HSP90AA1: variants seen among roughly 807,000 people sequenced by gnomAD.
The protein encoded by HSP90AA1 is heat shock protein 90 alpha family class A member 1, also known as heat shock protein HSP 90-alpha.
Under a neutral mutation model 73.3 loss-of-function variants are expected in HSP90AA1, and 18 were observed. The observed-to-expected ratio is 0.25, with a 90% CI of 0.17 to 0.36. The LOEUF is 0.36. Ranked by LOEUF, HSP90AA1 falls within the 10% of genes least tolerant of loss-of-function variation. The pLI, the probability that HSP90AA1 is intolerant of heterozygous loss-of-function variation, is 1.00. For synonymous variants in HSP90AA1, 477 were observed against 296.9 expected, an observed-to-expected ratio of 1.61 and a Z score of -6.24; for missense variants, 704 against 874.2, an observed-to-expected ratio of 0.81 and a Z score of 2.45.
At chr14:102,096,111 C>T (rs554800239) in intron 2 of HSP90AA1, among the ~76,000 whole-genome samples, 17 of 152,330 alleles carry the variant, frequency 1.1e-4, no homozygotes, top group Middle Eastern at 3.4e-3. Context: ...TCCAGCCCTG[C>T]CCACAACCCA....
upstream of HSP90AA1, among the ~76,000 whole-genome samples, chr14:102,090,060 G>A (rs967373419): frequency 6.6e-6 from 1 of 152,102 alleles, no homozygotes; most frequent in Non-Finnish European, 1.5e-5. Context: ...AGCTCTTTAG[G>A]CCTGTGAGGC....
At position 102,086,205 on chromosome 14, in the gene HSP90AA1, T is replaced by C. The variant is rs370332082; in HGVS notation, c.162+12A>G. ...AAACCAAAATCCGATTCTGGGTTAA[T>C]AAGTGACTTACATCTGATGAATTTG... On this transcript the variant is annotated intron_variant, in intron 2 of 10. Coordinates refer to ENST00000216281, the MANE Select transcript of HSP90AA1 (RefSeq NM_005348.4). 2 of 1,614,192 alleles carry C rather than the reference T, an allele frequency of 1.2e-6. No homozygotes were observed. Among genetic ancestry groups the C allele is most frequent in the South Asian group, 1.1e-5 (1 of 91,076 alleles).
Position 102,081,549 on chromosome 14 carries a change from C to T in HSP90AA1, c.*163G>A. On this transcript the variant is annotated 3_prime_UTR_variant, in exon 11 of 11. Transcript: ENST00000216281. ...AGCTCTGCTTTAGTGCCTAAGGTAT[C>T]ACAGCATCACTTAGTAGACAGAAAT... 1.6e-6 allele frequency: 1 copy of T among 635,722 alleles called. No individual in the cohort carries two copies. The highest frequency in any genetic ancestry group is 2.8e-6 in the Non-Finnish European group (1 of 355,528). 39.4% of individuals were successfully genotyped at this position (635,722 alleles called of 1,614,324 possible).
At chr14:102,122,178 A>G (rs1463819696) in intron 1 of HSP90AA1, among the ~76,000 whole-genome samples, 2 of 152,080 alleles carry the variant, frequency 1.3e-5, no homozygotes, top group African/African-American at 2.4e-5. Flanking sequence ...GGTTGTTCCA[A>G]TACCTCTTCT....
At chr14:102,097,470 G>A (rs1222470770) in intron 2 of HSP90AA1, among the ~76,000 whole-genome samples, 1 of 152,132 alleles carries the variant, frequency 6.6e-6, no homozygotes, top group Non-Finnish European at 1.5e-5. Context: ...ACAAAGTGGG[G>A]GTGGGTGCAG....
intron 1 of HSP90AA1, among the ~76,000 whole-genome samples, chr14:102,126,868 C>T (rs1362748190): frequency 2.0e-5 from 3 of 152,098 alleles, no homozygotes; most frequent in Admixed American, 6.6e-5. Context: ...TTTTTGTTTT[C>T]CCAATCAGTA....
chr14:102,097,088 A>AGGAG (rs1451023673), intron 2 of HSP90AA1, among the ~76,000 whole-genome samples: 1 of 152,096 alleles, frequency 6.6e-6, no homozygotes, highest in Non-Finnish European at 1.5e-5. Context: ...CCTGGGTTCA[A>AGGAG]GTGATTCTCT....
intron 2 of HSP90AA1, among the ~76,000 whole-genome samples, chr14:102,094,903 G>A (rs34819747): frequency 5.5e-4 from 84 of 152,336 alleles, no homozygotes; most frequent in African/African-American, 1.9e-3. Flanking sequence ...TCCCTGAAGA[G>A]TTGGTGGGTG....
intron 1 of HSP90AA1, among the ~76,000 whole-genome samples, chr14:102,134,890 A>AGATAGGC (rs1265584861): frequency 1.3e-5 from 2 of 152,182 alleles, no homozygotes; most frequent in African/African-American, 4.8e-5. Flanking sequence ...CCCCACCCAC[A>AGATAGGC]TCCTGCTGAT....
At chr14:102,095,114 C>G (rs886190232) in intron 2 of HSP90AA1, among the ~76,000 whole-genome samples, 2 of 152,146 alleles carry the variant, frequency 1.3e-5, no homozygotes, top group African/African-American at 4.8e-5. Flanking sequence ...CGTGGATGGG[C>G]CTCCAATGAA....
At chr14:102,096,948 C>T (rs961496845) in intron 2 of HSP90AA1, among the ~76,000 whole-genome samples, 3 of 152,136 alleles carry the variant, frequency 2.0e-5, no homozygotes, top group African/African-American at 7.2e-5. Context: ...AAGCTTCTAG[C>T]CTTTCATGGA....
chr14:102,096,261 C>T (rs528381532), intron 2 of HSP90AA1, among the ~76,000 whole-genome samples: 1 of 152,296 alleles, frequency 6.6e-6, no homozygotes, highest in East Asian at 1.9e-4. Context: ...TATGTGGCTG[C>T]ATTGTTTTCT....
intron 1 of HSP90AA1, among the ~76,000 whole-genome samples, chr14:102,116,508 C>A (rs560375850): frequency 6.6e-6 from 1 of 152,308 alleles, no homozygotes; most frequent in East Asian, 1.9e-4. Context: ...CCCCTGTGCT[C>A]CACGTTCCCG....
chr14:102,081,085 G>A lies in HSP90AA1; in HGVS notation c.*627C>T, dbSNP rs1355801856. ...TCTGTATTTGTTACAACTTTAAGCA[G>A]AATGTGACTCGAGCACTACATTTCC... On this transcript the variant is annotated 3_prime_UTR_variant, in exon 11 of 11. Coordinates refer to ENST00000216281, the MANE Select transcript of HSP90AA1 (RefSeq NM_005348.4). The A allele has an allele frequency of 4.4e-6, 1 of 228,648 alleles. No homozygotes were observed. The highest frequency in any genetic ancestry group is 8.7e-6 in the Non-Finnish European group (1 of 115,280). The allele number at this position is 228,648 out of a possible 1,614,324, so 14.2% of individuals were successfully genotyped here.
chr14:102,113,372 AATTT>A (rs2049666481), intron 1 of HSP90AA1, among the ~76,000 whole-genome samples: 2 of 138,466 alleles, frequency 1.4e-5, no homozygotes, highest in African/African-American at 5.4e-5. Flanking sequence ...TTCTTTAATT[AATTT>A]ATTTATTTTT....
At chr14:102,119,574 C>T (rs1473094709) in intron 1 of HSP90AA1, among the ~76,000 whole-genome samples, 3 of 152,156 alleles carry the variant, frequency 2.0e-5, no homozygotes, top group African/African-American at 7.2e-5. Flanking sequence ...CTGCAACTTC[C>T]GCCTCCCAGG....
At chr14:102,127,450 T>C (rs1387236523) in intron 1 of HSP90AA1, among the ~76,000 whole-genome samples, 1 of 152,190 alleles carries the variant, frequency 6.6e-6, no homozygotes, top group African/African-American at 2.4e-5. Flanking sequence ...CTTATGACAG[T>C]TCTCTTATTT....
chr14:102,139,199 C>G, intron 1 of HSP90AA1: 6 of 1,607,264 alleles, frequency 3.7e-6, no homozygotes, highest in Non-Finnish European at 5.1e-6. Flanking sequence ...TCTCCCCCTA[C>G]CCCGCCTGAA....
At chr14:102,110,134 C>T (rs567012781) in intron 1 of HSP90AA1, among the ~76,000 whole-genome samples, 28 of 152,098 alleles carry the variant, frequency 1.8e-4, no homozygotes, top group African/African-American at 6.0e-4. Context: ...AGGGTTTCAC[C>T]ATATTGGCCA....
Sources: gnomAD v4.1 joint callset for allele counts (sites outside exome capture counted in the v4.1 genomes callset) on GRCh38, gnomAD v4.1.1 for gene constraint, MANE v1.5 for transcripts, NCBI Gene and HGNC (gene_info 2026-07-23, HGNC 2026-07-21) for gene names.